COL23A1: variants seen among roughly 807,000 people sequenced by gnomAD.
COL23A1 encodes the protein collagen type XXIII alpha 1 chain.
Under a neutral mutation model 99.3 loss-of-function variants are expected in COL23A1, and 97 were observed. The observed-to-expected ratio is 0.98, with a 90% CI of 0.83 to 1.16. The LOEUF (loss-of-function observed/expected upper bound fraction) is 1.16, where lower values mean the gene tolerates loss of function less well. Ranked by LOEUF, COL23A1 falls within the 50% of genes most tolerant of loss-of-function variation. COL23A1 has a pLI of 0.00. For synonymous variants in COL23A1, 320 were observed against 308.2 expected, an observed-to-expected ratio of 1.04 and a Z score of -0.40; for missense variants, 762 against 757.4, an observed-to-expected ratio of 1.01 and a Z score of -0.07.
chr5:178,585,663 A>ATG lies in COL23A1; in HGVS notation c.294+4240_294+4241insCA, dbSNP rs1412340778. ...CACAGCCCTGGATGGCGCTGGGGTA[A>ATG]CACTCCACAGCCCTGGATGGCGCTG... On this transcript the variant is annotated intron_variant, in intron 1 of 28. Transcript: ENST00000390654. 1.2e-4 allele frequency among the ~76,000 whole-genome samples: 18 copies of ATG among 152,324 alleles called. 1 individual carries two copies. The highest frequency in any genetic ancestry group is 3.9e-4 in the East Asian group (2 of 5,192).
chr5:178,402,122 G>A (rs1357739019), intron 2 of COL23A1, among the ~76,000 whole-genome samples: 3 of 152,122 alleles, frequency 2.0e-5, no homozygotes, highest in Non-Finnish European at 2.9e-5. Context: ...AGCTGCCTTT[G>A]TCTTTTAACC....
At chr5:178,442,781 C>G (rs559860252) in intron 2 of COL23A1, 2 of 152,784 alleles carry the variant, frequency 1.3e-5, no homozygotes, top group East Asian at 3.8e-4. Flanking sequence ...CCCTCGCCAC[C>G]CCTGCTGGGG....
At chr5:178,316,850 CAA>C (rs141926886) in intron 2 of COL23A1, among the ~76,000 whole-genome samples, 1 of 132,966 alleles carries the variant, frequency 7.5e-6, no homozygotes, top group Non-Finnish European at 1.7e-5. Context: ...GACTTCTTTG[CAA>C]AAAAAAAAAA....
chr5:178,348,267 C>T (rs1039718590), intron 2 of COL23A1, among the ~76,000 whole-genome samples: 3 of 152,222 alleles, frequency 2.0e-5, no homozygotes, highest in Admixed American at 6.5e-5. Context: ...GCACTCGGGG[C>T]GACTCTGGGC....
chr5:178,533,102 T>A (rs1156502358), intron 2 of COL23A1, among the ~76,000 whole-genome samples: 1 of 152,154 alleles, frequency 6.6e-6, no homozygotes, highest in Non-Finnish European at 1.5e-5. Flanking sequence ...TACAGGGGAT[T>A]CTAAGGAAAA....
At chr5:178,346,822 C>T (rs954552433) in intron 2 of COL23A1, among the ~76,000 whole-genome samples, 11 of 152,306 alleles carry the variant, frequency 7.2e-5, no homozygotes, top group African/African-American at 1.4e-4. Flanking sequence ...AGCGGCCCGT[C>T]GGAGCCTCTG....
chr5:178,586,725 T>C (rs1764025970), intron 1 of COL23A1, among the ~76,000 whole-genome samples: 1 of 151,980 alleles, frequency 6.6e-6, no homozygotes, highest in Non-Finnish European at 1.5e-5. Flanking sequence ...AGGAAACAAA[T>C]GTAGCTATGA....
At chr5:178,284,270 G>A (rs1283491122) in intron 5 of COL23A1, among the ~76,000 whole-genome samples, 1 of 152,100 alleles carries the variant, frequency 6.6e-6, no homozygotes, top group Non-Finnish European at 1.5e-5. Context: ...TTACCACGAG[G>A]TGACAGGATT....
intron 4 of COL23A1, chr5:178,288,653 T>C (rs1757292051): frequency 5.7e-6 from 3 of 525,406 alleles, no homozygotes; most frequent in Non-Finnish European, 1.1e-5. Context: ...GGACGTGGGG[T>C]TCTGGAGGGT....
At chr5:178,417,505 C>T (rs1455117078) in intron 2 of COL23A1, among the ~76,000 whole-genome samples, 1 of 152,184 alleles carries the variant, frequency 6.6e-6, no homozygotes, top group Non-Finnish European at 1.5e-5. Flanking sequence ...CTGGATTCTC[C>T]CTCTGGGAGA....
chr5:178,582,206 CAAAA>C (rs11315118), intron 1 of COL23A1, among the ~76,000 whole-genome samples: 1 of 31,618 alleles, frequency 3.2e-5, no homozygotes, highest in African/African-American at 9.3e-5. Flanking sequence ...GACTCTATCT[CAAAA>C]AAAAAAAAAA....
chr5:178,266,333 G>A (rs999598128), intron 8 of COL23A1, among the ~76,000 whole-genome samples: 4 of 152,012 alleles, frequency 2.6e-5, no homozygotes, highest in South Asian at 2.1e-4. Context: ...GAGCCACCTC[G>A]CCCGGCCATT....
intron 1 of COL23A1, among the ~76,000 whole-genome samples, chr5:178,585,502 G>GGGT (rs1763910340): frequency 6.8e-6 from 1 of 147,166 alleles, no homozygotes; most frequent in African/African-American, 2.6e-5. Context: ...GATGACGCTG[G>GGGT]AGTAACACTC....
chr5:178,238,927 C>T (rs1167958450), intron 28 of COL23A1, among the ~76,000 whole-genome samples: 1 of 152,190 alleles, frequency 6.6e-6, no homozygotes, highest in Non-Finnish European at 1.5e-5. Flanking sequence ...ATGGGTTATA[C>T]ACCATCACCC....
chr5:178,262,563 T>C (rs1765693699), intron 9 of COL23A1, among the ~76,000 whole-genome samples: 3 of 151,910 alleles, frequency 2.0e-5, no homozygotes, highest in Non-Finnish European at 4.4e-5. Context: ...TGGCATGGGC[T>C]CCACAATGAA....
chr5:178,347,111 C>G (rs558824346), intron 2 of COL23A1, among the ~76,000 whole-genome samples: 1 of 152,154 alleles, frequency 6.6e-6, no homozygotes, highest in Non-Finnish European at 1.5e-5. Flanking sequence ...CTGTCCTCAC[C>G]GCGCACTGAG....
chr5:178,364,172 T>G (rs1214527296), intron 2 of COL23A1, among the ~76,000 whole-genome samples: 1 of 152,184 alleles, frequency 6.6e-6, no homozygotes, highest in African/African-American at 2.4e-5. Flanking sequence ...TTCCGCCTGT[T>G]GGTTTCTGGG....
chr5:178,584,343 C>CACAT (rs35682244), intron 1 of COL23A1, among the ~76,000 whole-genome samples: 3 of 148,122 alleles, frequency 2.0e-5, no homozygotes, highest in Non-Finnish European at 4.5e-5. Context: ...CACACACACA[C>CACAT]CTAGAAATAA....
intron 2 of COL23A1, chr5:178,344,906 A>T: frequency 1.4e-6 from 1 of 738,142 alleles, no homozygotes; most frequent in South Asian, 1.3e-5. Flanking sequence ...CTCAGGGACA[A>T]CACGTAGAGA....
Sources: gnomAD v4.1 joint callset for allele counts (sites outside exome capture counted in the v4.1 genomes callset) on GRCh38, gnomAD v4.1.1 for gene constraint, MANE v1.5 for transcripts, NCBI Gene and HGNC (gene_info 2026-07-23, HGNC 2026-07-21) for gene names.